SLC24A2: variants seen among roughly 807,000 people sequenced by gnomAD.
SLC24A2 encodes solute carrier family 24 member 2.
In SLC24A2, 36 loss-of-function variants were observed where a neutral mutation model predicts 62.0. The ratio of observed to expected loss-of-function variants is 0.58; its 90% CI spans 0.44 to 0.77. The LOEUF (loss-of-function observed/expected upper bound fraction) is 0.77. SLC24A2 is among the 30% of genes least tolerant of loss of function. SLC24A2 has a pLI of 0.00. For missense variants in SLC24A2, 846 were observed against 817.9 expected, an observed-to-expected ratio of 1.03 and a Z score of -0.42; for synonymous variants, 358 against 294.0, an observed-to-expected ratio of 1.22 and a Z score of -2.23.
chr9:19,712,855 T>C (rs966122034), intron 2 of SLC24A2, among the ~76,000 whole-genome samples: 2 of 152,142 alleles, frequency 1.3e-5, no homozygotes, highest in Non-Finnish European at 2.9e-5. Context: ...AGCATCCTTG[T>C]TCTCTATCCA....
At chr9:19,939,252 G>T in the SLC24A2 span, among the ~76,000 whole-genome samples, 1 of 152,300 alleles carries the variant, frequency 6.6e-6, no homozygotes, top group South Asian at 2.1e-4. Context: ...GTGTCCTTAG[G>T]TGATTTCATC....
chr9:19,767,882 G>A (rs1822567779), intron 2 of SLC24A2, among the ~76,000 whole-genome samples: 1 of 152,200 alleles, frequency 6.6e-6, no homozygotes, highest in Admixed American at 6.5e-5. Context: ...GGGAAAGAAG[G>A]AGGCTGCAAA....
chr9:19,553,167 C>G (rs1377284681), intron 7 of SLC24A2, among the ~76,000 whole-genome samples: 1 of 152,154 alleles, frequency 6.6e-6, no homozygotes, highest in Admixed American at 6.5e-5. Flanking sequence ...CTCACTCTGG[C>G]TCAATGGGAG....
the SLC24A2 span, among the ~76,000 whole-genome samples, chr9:20,159,016 T>C: frequency 1.3e-5 from 2 of 151,538 alleles, no homozygotes; most frequent in Non-Finnish European, 3.0e-5. Flanking sequence ...AGGGCAAAAA[T>C]ATTAGGCTTA....
chr9:19,865,493 G>A, the SLC24A2 span, among the ~76,000 whole-genome samples: 1 of 152,058 alleles, frequency 6.6e-6, no homozygotes, highest in Non-Finnish European at 1.5e-5. Context: ...CATGGTACTG[G>A]CATAAAAACA....
intron 2 of SLC24A2, among the ~76,000 whole-genome samples, chr9:19,663,988 A>T (rs1176052508): frequency 6.6e-6 from 1 of 152,260 alleles, no homozygotes; most frequent in East Asian, 1.9e-4. Flanking sequence ...AGCTGCTCTT[A>T]GCTGCACCTG....
chr9:19,942,128 T>C, the SLC24A2 span, among the ~76,000 whole-genome samples: 1 of 152,200 alleles, frequency 6.6e-6, no homozygotes, highest in Non-Finnish European at 1.5e-5. Context: ...TTTATCTCAT[T>C]TTGTCAACCC....
At chr9:20,105,624 GA>G in the SLC24A2 span, among the ~76,000 whole-genome samples, 1 of 152,138 alleles carries the variant, frequency 6.6e-6, no homozygotes, top group East Asian at 1.9e-4. Context: ...AATGAAGGCA[GA>G]AATAAAGATG....
chr9:19,707,186 C>T (rs1026588313), intron 2 of SLC24A2, among the ~76,000 whole-genome samples: 1 of 151,826 alleles, frequency 6.6e-6, no homozygotes, highest in Non-Finnish European at 1.5e-5. Flanking sequence ...GACACATACA[C>T]CCTCCCAAGA....
At chr9:20,040,143 A>G in the SLC24A2 span, among the ~76,000 whole-genome samples, 2 of 152,234 alleles carry the variant, frequency 1.3e-5, no homozygotes, top group Non-Finnish European at 2.9e-5. Flanking sequence ...ATCATCATTC[A>G]TTCATTCAAC....
chr9:19,573,326 G>T, intron 7 of SLC24A2, 25 bp downstream of exon 7: 1 of 1,453,358 alleles, frequency 6.9e-7, no homozygotes, highest in Non-Finnish European at 9.7e-7. Flanking sequence ...CAACAGCCCA[G>T]AAGAGCAATG....
chr9:19,530,594 A>G (rs1464348375), intron 8 of SLC24A2, among the ~76,000 whole-genome samples: 1 of 152,222 alleles, frequency 6.6e-6, no homozygotes, highest in Non-Finnish European at 1.5e-5. Context: ...GCTACAGAAA[A>G]TTCCTAGCCA....
the SLC24A2 span, among the ~76,000 whole-genome samples, chr9:20,240,563 C>T: frequency 6.6e-6 from 1 of 152,284 alleles, no homozygotes; most frequent in Admixed American, 6.5e-5. Context: ...TAAGCAGCTT[C>T]CTTTTTAACT....
At chr9:20,288,041 AAC>A in the SLC24A2 span, among the ~76,000 whole-genome samples, 4,893 of 146,652 alleles carry the variant, frequency 0.033, 222 homozygotes, top group African/African-American at 0.1. Flanking sequence ...TTAGGAAAAA[AAC>A]ACACACACAC....
the SLC24A2 span, among the ~76,000 whole-genome samples, chr9:19,878,271 A>C: frequency 6.6e-6 from 1 of 152,290 alleles, no homozygotes; most frequent in East Asian, 1.9e-4. Context: ...GGCCAATAGG[A>C]AATTGAAGCC....
intron 9 of SLC24A2, among the ~76,000 whole-genome samples, chr9:19,524,843 G>C (rs1232237851): frequency 6.6e-6 from 1 of 151,908 alleles, no homozygotes; most frequent in African/African-American, 2.4e-5. Flanking sequence ...TCATTAAAAA[G>C]AAAAAGATGG....
intron 5 of SLC24A2, among the ~76,000 whole-genome samples, chr9:19,581,055 T>G (rs1368843543): frequency 6.6e-6 from 1 of 152,118 alleles, no homozygotes; most frequent in Non-Finnish European, 1.5e-5. Flanking sequence ...AAACAGAATC[T>G]AAGGGTGATG....
intron 2 of SLC24A2, among the ~76,000 whole-genome samples, chr9:19,702,661 T>C (rs7857042): frequency 0.13 from 20,231 of 152,166 alleles, 2,086 homozygotes; most frequent in African/African-American, 0.29. Context: ...TATAGTTAGA[T>C]GTTGCCCAAA....
the SLC24A2 span, among the ~76,000 whole-genome samples, chr9:19,877,645 T>C: frequency 6.6e-6 from 1 of 151,572 alleles, no homozygotes; most frequent in Non-Finnish European, 1.5e-5. Context: ...AGGAGGGAAG[T>C]AGCCCCCAAG....
Sources: gnomAD v4.1 joint callset for allele counts (sites outside exome capture counted in the v4.1 genomes callset) on GRCh38, gnomAD v4.1.1 for gene constraint, MANE v1.5 for transcripts, NCBI Gene and HGNC (gene_info 2026-07-23, HGNC 2026-07-21) for gene names.